ADK: variants seen among roughly 807,000 people sequenced by gnomAD.
ADK encodes the protein adenosine kinase, also known as N6,N6-dimethyladenosine kinase.
In ADK, 24 loss-of-function variants were observed where a neutral mutation model predicts 44.7. That is an observed-to-expected ratio of 0.54 (90% CI 0.39 to 0.76). ADK has a LOEUF of 0.76. ADK is among the 30% of genes least tolerant of loss of function. The pLI is 0.00. For synonymous variants in ADK, 128 were observed against 142.6 expected (o/e 0.90, Z 0.73); for missense variants, 321 against 425.1 (o/e 0.76, Z 2.15).
chr10:74,572,152 T>C (rs1850993351), intron 7 of ADK, among the ~76,000 whole-genome samples: 1 of 152,224 alleles, frequency 6.6e-6, no homozygotes, highest in Non-Finnish European at 1.5e-5. Context: ...CGGTTGTTCC[T>C]TTCCATGTTT....
intron 6 of ADK, among the ~76,000 whole-genome samples, chr10:74,428,258 G>A (rs1844869133): frequency 6.6e-6 from 1 of 152,174 alleles, no homozygotes. Flanking sequence ...GAGGAGCACA[G>A]TTCAGTCCCT....
intron 3 of ADK, among the ~76,000 whole-genome samples, chr10:74,240,047 C>T (rs988013283): frequency 1.3e-4 from 19 of 150,694 alleles, no homozygotes; most frequent in Admixed American, 4.0e-4. Flanking sequence ...CAGAGTCTCA[C>T]TCTGTCACTC....
intron 6 of ADK, among the ~76,000 whole-genome samples, chr10:74,437,882 C>T (rs575936198): frequency 8.5e-5 from 13 of 152,298 alleles, no homozygotes; most frequent in African/African-American, 2.2e-4. Flanking sequence ...CTAGTTCTTT[C>T]TCATTGATTA....
At chr10:74,404,230 C>G (rs2132898670) in intron 6 of ADK, among the ~76,000 whole-genome samples, 1 of 151,490 alleles carries the variant, frequency 6.6e-6, no homozygotes, top group South Asian at 2.1e-4. Context: ...ACTTACAATA[C>G]ATACATTTTA....
At chr10:74,514,752 T>G (rs745422985) in intron 6 of ADK, among the ~76,000 whole-genome samples, 20 of 152,308 alleles carry the variant, frequency 1.3e-4, no homozygotes, top group Non-Finnish European at 2.4e-4. Context: ...ATTTCATATA[T>G]TTCCTTATAG....
chr10:74,157,399 T>C (rs537738786), intron 1 of ADK, among the ~76,000 whole-genome samples: 1 of 151,162 alleles, frequency 6.6e-6, no homozygotes, highest in East Asian at 1.9e-4. Flanking sequence ...AAAGAAATAA[T>C]GGTCATAAAA....
intron 6 of ADK, among the ~76,000 whole-genome samples, chr10:74,472,270 T>C (rs1331035379): frequency 4.6e-5 from 7 of 152,194 alleles, no homozygotes; most frequent in African/African-American, 1.7e-4. Flanking sequence ...TTTCTGTTTT[T>C]TACCATCGAG....
At chr10:74,529,194 C>A (rs1206630978) in intron 7 of ADK, 2 of 152,096 alleles carry the variant, frequency 1.3e-5, no homozygotes, top group Non-Finnish European at 2.9e-5. Flanking sequence ...AATTTTGATA[C>A]ATGCTACAAC....
intron 9 of ADK, among the ~76,000 whole-genome samples, chr10:74,605,704 T>C (rs1852299546): frequency 6.6e-6 from 1 of 152,188 alleles, no homozygotes; most frequent in East Asian, 1.9e-4. Context: ...CCTGAAATTT[T>C]CTTTTTTTGT....
intron 6 of ADK, among the ~76,000 whole-genome samples, chr10:74,486,166 G>A (rs1051460324): frequency 6.6e-6 from 1 of 152,108 alleles, no homozygotes; most frequent in African/African-American, 2.4e-5. Flanking sequence ...TAGTAAGTGA[G>A]TTCTCATGAG....
intron 6 of ADK, chr10:74,423,831 C>T: frequency 3.4e-6 from 1 of 295,772 alleles, no homozygotes; most frequent in Non-Finnish European, 6.8e-6. Context: ...AGATCTCAAA[C>T]TTGACTATTG....
intron 3 of ADK, among the ~76,000 whole-genome samples, chr10:74,232,538 A>AACCC (rs1844805599): frequency 8.5e-5 from 4 of 46,800 alleles, no homozygotes; most frequent in Non-Finnish European, 7.8e-5. Flanking sequence ...CAAACAAACA[A>AACCC]CCCCCCCGCA....
At chr10:74,505,816 C>A (rs1486248160) in intron 6 of ADK, among the ~76,000 whole-genome samples, 1 of 152,154 alleles carries the variant, frequency 6.6e-6, no homozygotes, top group Non-Finnish European at 1.5e-5. Flanking sequence ...ACCCCCTAAT[C>A]TAGATCTGAA....
intron 1 of ADK, among the ~76,000 whole-genome samples, chr10:74,170,624 C>G (rs1003384992): frequency 3.3e-5 from 5 of 151,694 alleles, no homozygotes; most frequent in Non-Finnish European, 7.4e-5. Context: ...CGGTGAAACC[C>G]TGTCTCTACT....
chr10:74,612,285 A>G (rs1198975772), intron 9 of ADK, among the ~76,000 whole-genome samples: 2 of 151,664 alleles, frequency 1.3e-5, no homozygotes, highest in African/African-American at 4.8e-5. Context: ...AATTGTATTG[A>G]TTTATTTGTA....
intron 3 of ADK, among the ~76,000 whole-genome samples, chr10:74,294,025 T>C (rs1319412723): frequency 1.3e-5 from 2 of 152,240 alleles, no homozygotes; most frequent in African/African-American, 4.8e-5. Context: ...TATGGAATCA[T>C]ATAGTGTGTA....
intron 1 of ADK, among the ~76,000 whole-genome samples, chr10:74,193,724 G>T (rs1240108748): frequency 5.3e-5 from 8 of 151,978 alleles, no homozygotes; most frequent in Non-Finnish European, 7.4e-5. Flanking sequence ...AGCTGTGATT[G>T]CACCACTGCC....
At chr10:74,448,003 A>G (rs1019835750) in intron 6 of ADK, among the ~76,000 whole-genome samples, 4 of 151,968 alleles carry the variant, frequency 2.6e-5, no homozygotes, top group Non-Finnish European at 5.9e-5. Flanking sequence ...GTGAAACCGC[A>G]TCTCTACTAA....
At chr10:74,176,215 G>T (rs1842332501) in intron 1 of ADK, among the ~76,000 whole-genome samples, 1 of 152,140 alleles carries the variant, frequency 6.6e-6, no homozygotes, top group Non-Finnish European at 1.5e-5. Flanking sequence ...GGAACGTTTG[G>T]GACCATCAGA....
Sources: gnomAD v4.1 joint callset for allele counts (sites outside exome capture counted in the v4.1 genomes callset) on GRCh38, gnomAD v4.1.1 for gene constraint, MANE v1.5 for transcripts, NCBI Gene and HGNC (gene_info 2026-07-23, HGNC 2026-07-21) for gene names.